SCHIP1: variants seen among roughly 807,000 people sequenced by gnomAD.
SCHIP1 encodes the protein schwannomin-interacting protein 1.
In SCHIP1, 8 loss-of-function variants were observed where a neutral mutation model predicts 29.7. The observed-to-expected ratio is 0.27, with a 90% CI of 0.16 to 0.49. The LOEUF (loss-of-function observed/expected upper bound fraction) is 0.49. Ranked by LOEUF, SCHIP1 falls within the 20% of genes least tolerant of loss-of-function variation. SCHIP1 has a pLI of 0.99. For missense variants in SCHIP1, 193 were observed against 294.6 expected (o/e 0.66, Z 2.52); for synonymous variants, 76 against 94.9 (o/e 0.80, Z 1.16).
chr3:159,892,153 C>A, exon 6 of SCHIP1: 2 of 1,614,162 alleles, frequency 1.2e-6, no homozygotes, highest in Non-Finnish European at 1.7e-6. Context: ...GCACACAGAG[C>A]AGGATGCCAT....
At chr3:159,875,540 G>T (rs1715713825) in intron 2 of SCHIP1, among the ~76,000 whole-genome samples, 1 of 152,152 alleles carries the variant, frequency 6.6e-6, no homozygotes. Context: ...CATCATCTTT[G>T]ACAAGCTATG....
chr3:159,331,874 T>C, the SCHIP1 span, among the ~76,000 whole-genome samples: 1 of 152,206 alleles, frequency 6.6e-6, no homozygotes. Context: ...GGGTACTGCA[T>C]GTGAGGTCCT....
chr3:159,759,874 T>C, the SCHIP1 span, among the ~76,000 whole-genome samples: 2 of 152,370 alleles, frequency 1.3e-5, no homozygotes, highest in Non-Finnish European at 2.9e-5. Context: ...TTTTCCTGTC[T>C]ATTCATACTC....
At chr3:159,679,132 T>C in the SCHIP1 span, among the ~76,000 whole-genome samples, 1 of 152,208 alleles carries the variant, frequency 6.6e-6, no homozygotes, top group Non-Finnish European at 1.5e-5. Context: ...AGTAATTAAA[T>C]TTGAATCATG....
the SCHIP1 span, among the ~76,000 whole-genome samples, chr3:159,655,049 T>C: frequency 2.7e-4 from 41 of 152,312 alleles, no homozygotes; most frequent in African/African-American, 9.6e-4. Context: ...CAGTACAGTA[T>C]AGTCATTAAG....
chr3:159,870,810 T>C (rs548812589), intron 2 of SCHIP1, among the ~76,000 whole-genome samples: 3 of 152,068 alleles, frequency 2.0e-5, no homozygotes, highest in Non-Finnish European at 4.4e-5. Context: ...TATGCTGGCT[T>C]AAAAATGGAT....
At chr3:159,376,743 GT>G in the SCHIP1 span, among the ~76,000 whole-genome samples, 4 of 152,142 alleles carry the variant, frequency 2.6e-5, no homozygotes, top group Non-Finnish European at 4.4e-5. Context: ...TAAGCACACT[GT>G]GATTCTGGTA....
At chr3:159,717,704 C>A in the SCHIP1 span, among the ~76,000 whole-genome samples, 1 of 152,160 alleles carries the variant, frequency 6.6e-6, no homozygotes, top group African/African-American at 2.4e-5. Flanking sequence ...CCTGAATAGA[C>A]CAATAACAGG....
chr3:159,596,651 G>A, the SCHIP1 span, among the ~76,000 whole-genome samples: 1 of 152,148 alleles, frequency 6.6e-6, no homozygotes, highest in African/African-American at 2.4e-5. Flanking sequence ...CCTTTGTAGA[G>A]ACATGAATGA....
At chr3:159,382,480 G>A in the SCHIP1 span, among the ~76,000 whole-genome samples, 2 of 151,650 alleles carry the variant, frequency 1.3e-5, no homozygotes, top group Non-Finnish European at 2.9e-5. Context: ...GTGTATATGT[G>A]CCACATTTTC....
the SCHIP1 span, among the ~76,000 whole-genome samples, chr3:159,568,344 C>T: frequency 1.1e-4 from 16 of 152,108 alleles, no homozygotes; most frequent in African/African-American, 3.9e-4. Context: ...AAGCAGAGGG[C>T]ATTTTTTGCT....
the SCHIP1 span, among the ~76,000 whole-genome samples, chr3:159,643,865 GAAGTC>G: frequency 6.6e-6 from 1 of 151,992 alleles, no homozygotes; most frequent in African/African-American, 2.4e-5. Flanking sequence ...TTGACTCTGG[GAAGTC>G]CATTTCATTT....
the SCHIP1 span, among the ~76,000 whole-genome samples, chr3:159,811,478 A>G: frequency 6.6e-6 from 1 of 152,214 alleles, no homozygotes; most frequent in Admixed American, 6.5e-5. Context: ...AGTGTGAGGT[A>G]TCTAAATTCA....
At chr3:159,896,798 C>A (rs748499584) in exon 7 of SCHIP1, 6 of 1,593,960 alleles carry the variant, frequency 3.8e-6, no homozygotes, top group Non-Finnish European at 8.5e-7. Flanking sequence ...AACCAGAGAA[C>A]AAGCTAGAAT....
At chr3:159,868,127 C>A (rs766122013) in intron 2 of SCHIP1, among the ~76,000 whole-genome samples, 1 of 149,660 alleles carries the variant, frequency 6.7e-6, no homozygotes, top group Non-Finnish European at 1.5e-5. Flanking sequence ...ATGTAACATA[C>A]CTATATATAA....
At chr3:159,381,964 T>C in the SCHIP1 span, among the ~76,000 whole-genome samples, 4 of 152,274 alleles carry the variant, frequency 2.6e-5, no homozygotes, top group South Asian at 8.3e-4. Context: ...TTGGTCACTA[T>C]AGCGTGGGAA....
At chr3:159,895,405 C>T (rs1717964588) in intron 6 of SCHIP1, among the ~76,000 whole-genome samples, 1 of 152,208 alleles carries the variant, frequency 6.6e-6, no homozygotes, top group African/African-American at 2.4e-5. Context: ...CCAGGCAGCA[C>T]ACACAAACTA....
At chr3:159,733,524 TCTTTCC>T in the SCHIP1 span, among the ~76,000 whole-genome samples, 1 of 152,214 alleles carries the variant, frequency 6.6e-6, no homozygotes, top group Non-Finnish European at 1.5e-5. Flanking sequence ...CTTGGGGTCC[TCTTTCC>T]TCCTAGTTGA....
the SCHIP1 span, among the ~76,000 whole-genome samples, chr3:159,582,030 T>C: frequency 1.3e-5 from 2 of 152,196 alleles, no homozygotes; most frequent in Admixed American, 6.5e-5. Flanking sequence ...TATATTTACA[T>C]AATACTTAGC....
Sources: gnomAD v4.1 joint callset for allele counts (sites outside exome capture counted in the v4.1 genomes callset) on GRCh38, gnomAD v4.1.1 for gene constraint, MANE v1.5 for transcripts, NCBI Gene and HGNC (gene_info 2026-07-23, HGNC 2026-07-21) for gene names.